BCAS3: variants seen among roughly 807,000 people sequenced by gnomAD.
BCAS3 encodes BCAS4/BCAS3 fusion.
A neutral mutation model predicts 116.1 loss-of-function variants in BCAS3; 53 were observed. The ratio of observed to expected loss-of-function variants is 0.46; its 90% CI spans 0.37 to 0.57. The LOEUF (loss-of-function observed/expected upper bound fraction) is 0.57, where lower values mean the gene tolerates loss of function less well. Among genes scored for constraint, BCAS3 ranks in the 20% least tolerant of loss-of-function variants. The probability of loss-of-function intolerance (pLI) is 0.00; values close to 1 mark genes in which losing one functional copy is unlikely to be tolerated. For missense variants in BCAS3, 917 were observed against 1,165.4 expected, an observed-to-expected ratio of 0.79 and a Z score of 3.10; for synonymous variants, 391 against 408.2, an observed-to-expected ratio of 0.96 and a Z score of 0.51.
rs1350853322 is a variant in BCAS3, at chr17:61,347,686, T to A, written c.2426-20641T>A. On this transcript the variant is annotated intron_variant, in intron 22 of 23. Coordinates refer to ENST00000407086, the MANE Select transcript of BCAS3 (RefSeq NM_017679.5). This position sits in a 1 kb window ranked among gnomAD's most constrained non-coding sequence, Gnocchi z 4.3. ...CAATAGACATCTGTTTTGTCTGTTG[T>A]GGAATTGGTGACTCTAGGTGCTATG... Among the ~76,000 whole-genome samples, 1 of 152,186 alleles carries A rather than the reference T, an allele frequency of 6.6e-6. No individual in the cohort carries two copies. Among genetic ancestry groups the A allele is most frequent in the African/African-American group, 2.4e-5 (1 of 41,458 alleles).
chr17:61,360,041 C>T (rs1407228659), intron 22 of BCAS3, among the ~76,000 whole-genome samples: 3 of 148,786 alleles, frequency 2.0e-5, no homozygotes, highest in Admixed American at 6.7e-5. Context: ...GAGTCTCACT[C>T]TGTCGCCCAG....
At chr17:61,146,512 G>GT (rs1295479897) in intron 22 of BCAS3, among the ~76,000 whole-genome samples, 1 of 152,106 alleles carries the variant, frequency 6.6e-6, no homozygotes, top group Non-Finnish European at 1.5e-5. Flanking sequence ...TCTTAGGAGT[G>GT]TTTCTGCCCT....
rs2061687342 is a variant in BCAS3, at chr17:60,966,802, G to GCA, written c.1221+19451_1221+19452insAC. 2.6e-5 allele frequency among the ~76,000 whole-genome samples: 4 copies of GCA among 151,670 alleles called. No homozygotes were observed. The East Asian group carries it at 7.8e-4, about 29-fold the overall frequency. ...TGAGTAGCTGGGATTACAGACATGT[G>GCA]CCACCATGTCCAGCTAATTTTTTTG... On this transcript the variant is annotated intron_variant, in intron 14 of 23. Coordinates refer to ENST00000407086, the MANE Select transcript of BCAS3 (RefSeq NM_017679.5).
chr17:61,090,487 G>C (rs1206475906), intron 22 of BCAS3, among the ~76,000 whole-genome samples: 1 of 152,136 alleles, frequency 6.6e-6, no homozygotes, highest in African/African-American at 2.4e-5. Flanking sequence ...AAATGAGTAA[G>C]TGTATACATT....
chr17:60,905,606 C>G (rs2145077769), intron 11 of BCAS3, among the ~76,000 whole-genome samples: 1 of 152,220 alleles, frequency 6.6e-6, no homozygotes, highest in Middle Eastern at 3.4e-3. Context: ...TTTATTATGA[C>G]TTGAGTCCTT....
rs145076640 is a variant in BCAS3 at position 61,054,980 on chromosome 17, C to T, written c.2029+14088C>T. The stretch of plus-strand genomic sequence containing the variant: ...CCTGTAGGCTATCAGAACTCTGCTC[C>T]TGATGTCATTTATGCTATCTCACGT... On this transcript the variant is annotated intron_variant, in intron 19 of 23. Coordinates refer to ENST00000407086, the MANE Select transcript of BCAS3 (RefSeq NM_017679.5). 1.9e-3 allele frequency among the ~76,000 whole-genome samples: 284 copies of T among 152,318 alleles called. 1 individual carries two copies. Among genetic ancestry groups the T allele is most frequent in the African/African-American group, 6.4e-3 (264 of 41,568 alleles).
At chr17:61,298,794 A>G (rs980326402) in intron 22 of BCAS3, among the ~76,000 whole-genome samples, 3 of 54,802 alleles carry the variant, frequency 5.5e-5, no homozygotes, top group Admixed American at 2.8e-4. Flanking sequence ...ACATGCCATT[A>G]TTTATTTATT....
chr17:60,898,842 G>A (rs1435598400), intron 10 of BCAS3, among the ~76,000 whole-genome samples: 2 of 152,012 alleles, frequency 1.3e-5, no homozygotes, highest in East Asian at 1.9e-4. Context: ...GGTGGTGGCT[G>A]CAGTGGTCTG....
chr17:61,043,745 A>G (rs1600711360), intron 19 of BCAS3, among the ~76,000 whole-genome samples: 2 of 152,152 alleles, frequency 1.3e-5, no homozygotes, highest in South Asian at 4.2e-4. Context: ...CTGCCAGGAT[A>G]TAGGCTCTGT....
rs562885693 is a variant in BCAS3, at chr17:60,819,924, G to A, written c.476+11848G>A. The stretch of plus-strand genomic sequence containing the variant: ...ACTACAGGCGTGAGCCACCATGCCT[G>A]GTTTATTATCATTTCTAAGCAAGAG... On this transcript the variant is annotated intron_variant, in intron 7 of 23. Coordinates refer to ENST00000407086, the MANE Select transcript of BCAS3 (RefSeq NM_017679.5). 6.3e-4 allele frequency among the ~76,000 whole-genome samples: 96 copies of A among 151,580 alleles called. 1 individual carries two copies. The South Asian group carries it at 0.02, about 31-fold the overall frequency.
At chr17:60,912,341 T>G (rs1396823381) in intron 12 of BCAS3, among the ~76,000 whole-genome samples, 2 of 152,200 alleles carry the variant, frequency 1.3e-5, no homozygotes, top group Non-Finnish European at 2.9e-5. Flanking sequence ...TAGCCTTAAA[T>G]ATTGCATATG....
At chr17:60,813,887 G>A (rs1598893706) in intron 7 of BCAS3, among the ~76,000 whole-genome samples, 1 of 152,088 alleles carries the variant, frequency 6.6e-6, no homozygotes, top group Non-Finnish European at 1.5e-5. Flanking sequence ...ATTGGTCTCT[G>A]TATCTGTTTT....
At chr17:60,975,518 T>G (rs912432477) in intron 14 of BCAS3, among the ~76,000 whole-genome samples, 4 of 152,230 alleles carry the variant, frequency 2.6e-5, no homozygotes, top group Non-Finnish European at 4.4e-5. Context: ...TAGTGTTCCT[T>G]TCATTTTTTT....
In BCAS3 at chr17:60,866,522, T is replaced by C. The variant is rs116277284; in HGVS notation, c.477-2054T>C. ...TTTTATTTTCTTGCAATATATTTAT[T>C]TAGTTTTTGGATATGTGCTACTGAC... is the stretch of plus-strand genomic sequence containing the variant. On this transcript the variant is annotated intron_variant, in intron 7 of 23. Transcript: ENST00000407086. Among the ~76,000 whole-genome samples the C allele has an allele frequency of 2.0e-3, 303 of 152,344 alleles. 1 individual carries two copies. The highest frequency in any genetic ancestry group is 6.8e-3 in the African/African-American group (284 of 41,586).
rs551548343 is a variant in BCAS3 at position 61,235,247 on chromosome 17, A to G, written c.2426-133080A>G. On this transcript the variant is annotated intron_variant, in intron 22 of 23. Coordinates refer to ENST00000407086, the MANE Select transcript of BCAS3 (RefSeq NM_017679.5). This position sits in a 1 kb window ranked among gnomAD's most constrained non-coding sequence, Gnocchi z 5.0. Reference sequence around the variant, plus strand: ...GTCAACTCATTTGGTCTCTTTGAAAAGAGTGGCCAGGTGAAGGCTGAAGGA... The same window carrying G: ...GTCAACTCATTTGGTCTCTTTGAAAGGAGTGGCCAGGTGAAGGCTGAAGGA... 1.1e-4 allele frequency among the ~76,000 whole-genome samples: 16 copies of G among 152,296 alleles called. No individual in the cohort carries two copies. Among genetic ancestry groups the G allele is most frequent in the African/African-American group, 3.9e-4 (16 of 41,558 alleles).
At position 60,986,103 on chromosome 17, in the gene BCAS3, A is replaced by C. The variant is rs150030486; in HGVS notation, c.1222-3868A>C. Among the ~76,000 whole-genome samples, 45 of 152,340 alleles carry C rather than the reference A, an allele frequency of 3.0e-4. No homozygotes were observed. In the East Asian group the frequency reaches 8.5e-3, roughly 29 times the overall value. On this transcript the variant is annotated intron_variant, in intron 14 of 23. Coordinates refer to ENST00000407086, the MANE Select transcript of BCAS3 (RefSeq NM_017679.5). ...AACATGCAAAGTTTGTCTTTCTGTA[A>C]GTGGCTTATTTCACTTAACATAATA... is the stretch of plus-strand genomic sequence containing the variant.
intron 22 of BCAS3, among the ~76,000 whole-genome samples, chr17:61,291,555 G>C (rs971847773): frequency 6.6e-6 from 1 of 152,196 alleles, no homozygotes; most frequent in Non-Finnish European, 1.5e-5. Context: ...GAAAAAAATG[G>C]CTTGTTTTGC....
chr17:60,769,437 A>T (rs539852519), intron 6 of BCAS3, among the ~76,000 whole-genome samples: 1 of 152,314 alleles, frequency 6.6e-6, no homozygotes, highest in South Asian at 2.1e-4. Context: ...TTTGAAGCAC[A>T]TGGAAGTGCC....
chr17:61,181,025 C>T lies in BCAS3; in HGVS notation c.2425+96461C>T, dbSNP rs1462988960. Among the ~76,000 whole-genome samples, 9 of 151,974 alleles carry T rather than the reference C, an allele frequency of 5.9e-5. No homozygotes were observed. The highest frequency in any genetic ancestry group is 1.5e-5 in the Non-Finnish European group (1 of 67,992). On this transcript the variant is annotated intron_variant, in intron 22 of 23. Transcript: ENST00000407086. The surrounding 1 kb of genome is among the most constrained non-coding windows in gnomAD (Gnocchi z 5.0). ...TTGAGCCCAAGAGTTCGAGACCAGCCTGGGCAACAAAGTGAGAACCTGTCT... is the reference window on the plus strand; with the variant it reads ...TTGAGCCCAAGAGTTCGAGACCAGCTTGGGCAACAAAGTGAGAACCTGTCT...
Sources: gnomAD v4.1 joint callset for allele counts (sites outside exome capture counted in the v4.1 genomes callset) on GRCh38, gnomAD v4.1.1 for gene constraint, Gnocchi (gnomAD v3.1) non-coding constraint, MANE v1.5 for transcripts, NCBI Gene and HGNC (gene_info 2026-07-23, HGNC 2026-07-21) for gene names.